Variants in ST6GALNAC5 observed in about 807,000 individuals in gnomAD.
ST6GALNAC5 encodes the protein ST6 N-acetylgalactosaminide alpha-2,6-sialyltransferase 5.
A neutral mutation model predicts 33.6 loss-of-function variants in ST6GALNAC5; 27 were observed. The ratio of observed to expected loss-of-function variants is 0.80; its 90% CI spans 0.59 to 1.11. The LOEUF (loss-of-function observed/expected upper bound fraction) is 1.11. Ranked by LOEUF, ST6GALNAC5 falls within the 50% of genes least tolerant of loss-of-function variation. The pLI is 0.00. For missense variants in ST6GALNAC5, 428 were observed against 454.0 expected, an observed-to-expected ratio of 0.94 and a Z score of 0.52; for synonymous variants, 194 against 171.2, an observed-to-expected ratio of 1.13 and a Z score of -1.04.
chr1:76,992,156 C>T (rs939478145), intron 2 of ST6GALNAC5, among the ~76,000 whole-genome samples: 18 of 152,112 alleles, frequency 1.2e-4, no homozygotes, highest in African/African-American at 4.3e-4. Context: ...AGGCACATAG[C>T]TCATGTCTTC....
chr1:77,053,037 C>T (rs929367668), intron 4 of ST6GALNAC5, among the ~76,000 whole-genome samples: 3 of 151,822 alleles, frequency 2.0e-5, no homozygotes, highest in Admixed American at 6.6e-5. Flanking sequence ...AGCAAAGCCA[C>T]TTACCATGTG....
chr1:76,896,328 C>T (rs1348955535), intron 2 of ST6GALNAC5, among the ~76,000 whole-genome samples: 2 of 152,086 alleles, frequency 1.3e-5, no homozygotes, highest in African/African-American at 4.8e-5. Context: ...GGTAAATCCT[C>T]GAGCTTGATG....
intron 2 of ST6GALNAC5, among the ~76,000 whole-genome samples, chr1:77,035,749 CAA>C (rs1248698467): frequency 1.3e-5 from 2 of 152,162 alleles, no homozygotes; most frequent in Non-Finnish European, 2.9e-5. Flanking sequence ...TTAGAATAAT[CAA>C]AAGAGACAGT....
At chr1:76,973,942 T>G (rs1046597282) in intron 2 of ST6GALNAC5, among the ~76,000 whole-genome samples, 1 of 152,104 alleles carries the variant, frequency 6.6e-6, no homozygotes, top group Non-Finnish European at 1.5e-5. Flanking sequence ...AGAACCAGAC[T>G]GCTTTAATTA....
At chr1:77,059,352 C>A (rs1452870965) in intron 4 of ST6GALNAC5, among the ~76,000 whole-genome samples, 1 of 152,168 alleles carries the variant, frequency 6.6e-6, no homozygotes, top group Non-Finnish European at 1.5e-5. Flanking sequence ...CATGGCCGTT[C>A]CTCAGGCTTT....
chr1:76,940,346 T>C (rs1316402547), intron 2 of ST6GALNAC5, among the ~76,000 whole-genome samples: 5 of 152,208 alleles, frequency 3.3e-5, no homozygotes, highest in African/African-American at 9.6e-5. Flanking sequence ...GAGGGCTTCA[T>C]ATTAAGCTGA....
Position 76,982,562 on chromosome 1 carries a change from G to A in ST6GALNAC5, c.262-61642G>A, listed in dbSNP as rs113221581. Among the ~76,000 whole-genome samples, 267 of 152,262 alleles carry A rather than the reference G, an allele frequency of 1.8e-3. 6 individuals carry two copies. The highest frequency in any genetic ancestry group is 2.4e-3 in the Non-Finnish European group (162 of 68,008). On this transcript the variant is annotated intron_variant, in intron 2 of 4. Transcript: ENST00000477717. Reference sequence around the variant, plus strand: ...ATTGGTGTACCTGAAAGTGATGGGCGGATGAAGCCAAGTTGGAAAACACTC... The same window carrying A: ...ATTGGTGTACCTGAAAGTGATGGGCAGATGAAGCCAAGTTGGAAAACACTC...
At chr1:76,928,456 G>A (rs1488657109) in intron 2 of ST6GALNAC5, among the ~76,000 whole-genome samples, 1 of 152,096 alleles carries the variant, frequency 6.6e-6, no homozygotes, top group East Asian at 1.9e-4. Context: ...TTCAGTAGGG[G>A]TTCTTTTCCC....
chr1:76,869,387 A>G (rs1230572578), intron 2 of ST6GALNAC5, among the ~76,000 whole-genome samples: 1 of 152,158 alleles, frequency 6.6e-6, no homozygotes, highest in Admixed American at 6.6e-5. Flanking sequence ...AATAAGATGA[A>G]TTTTTTAAAA....
intron 2 of ST6GALNAC5, among the ~76,000 whole-genome samples, chr1:76,970,398 A>G (rs1212757416): frequency 6.6e-6 from 1 of 151,940 alleles, no homozygotes; most frequent in East Asian, 1.9e-4. Flanking sequence ...CACGAGAACT[A>G]CATGACTCAT....
intron 2 of ST6GALNAC5, among the ~76,000 whole-genome samples, chr1:76,904,750 G>T (rs899250048): frequency 2.0e-5 from 3 of 152,078 alleles, no homozygotes; most frequent in African/African-American, 7.2e-5. Flanking sequence ...ACTTGAACCT[G>T]GGAGGCAGAG....
chr1:76,996,803 A>G (rs1199298617), intron 2 of ST6GALNAC5, among the ~76,000 whole-genome samples: 1 of 152,190 alleles, frequency 6.6e-6, no homozygotes, highest in Non-Finnish European at 1.5e-5. Context: ...TAGTGTCCCC[A>G]TAGAATTCCA....
At chr1:76,896,569 G>A (rs190409333) in intron 2 of ST6GALNAC5, among the ~76,000 whole-genome samples, 8 of 152,266 alleles carry the variant, frequency 5.3e-5, no homozygotes, top group African/African-American at 1.9e-4. Context: ...GTGAGGAACA[G>A]GAAAGAAGGA....
chr1:77,024,634 G>T (rs12739214), intron 2 of ST6GALNAC5, among the ~76,000 whole-genome samples: 1 of 152,084 alleles, frequency 6.6e-6, no homozygotes, highest in Non-Finnish European at 1.5e-5. Flanking sequence ...TCTCCAGGGC[G>T]GGATCTGATT....
chr1:77,021,375 G>A (rs1484712907), intron 2 of ST6GALNAC5, among the ~76,000 whole-genome samples: 2 of 152,108 alleles, frequency 1.3e-5, no homozygotes, highest in African/African-American at 2.4e-5. Context: ...CTAGAATGTG[G>A]TTCCTCTTAT....
At chr1:76,935,423 A>G (rs1647191361) in intron 2 of ST6GALNAC5, among the ~76,000 whole-genome samples, 1 of 152,076 alleles carries the variant, frequency 6.6e-6, no homozygotes. Context: ...GTTATTATTT[A>G]GGCACCGATA....
intron 2 of ST6GALNAC5, among the ~76,000 whole-genome samples, chr1:76,884,672 TG>T: frequency 6.6e-6 from 1 of 152,294 alleles, no homozygotes; most frequent in East Asian, 1.9e-4. Flanking sequence ...TGTCTCTTTC[TG>T]GCTATATGGA....
chr1:77,009,219 C>T (rs1471173351), intron 2 of ST6GALNAC5, among the ~76,000 whole-genome samples: 1 of 152,156 alleles, frequency 6.6e-6, no homozygotes, highest in African/African-American at 2.4e-5. Context: ...TATGGACGAG[C>T]CAACTACCAA....
At chr1:77,052,179 A>G (rs1652245147) in intron 4 of ST6GALNAC5, among the ~76,000 whole-genome samples, 1 of 152,228 alleles carries the variant, frequency 6.6e-6, no homozygotes, top group Admixed American at 6.5e-5. Context: ...AGAACTCTTC[A>G]AAAGGACCCC....
Sources: allele counts gnomAD v4.1 joint callset (sites outside exome capture counted in the v4.1 genomes callset), GRCh38; gene constraint gnomAD v4.1.1; transcripts MANE v1.5; gene names NCBI Gene and HGNC (gene_info 2026-07-23, HGNC 2026-07-21).